Variants in TTLL5 observed in about 807,000 individuals in gnomAD.
TTLL5 encodes the protein tubulin polyglutamylase TTLL5.
A neutral mutation model predicts 168.4 loss-of-function variants in TTLL5; 132 were observed. The ratio of observed to expected loss-of-function variants is 0.78; its 90% CI spans 0.68 to 0.91. TTLL5 has a LOEUF of 0.91. Among genes scored for constraint, TTLL5 ranks in the 40% least tolerant of loss-of-function variants. The pLI, the probability that TTLL5 is intolerant of heterozygous loss-of-function variation, is 0.00. For synonymous variants in TTLL5, 546 were observed against 558.6 expected, an observed-to-expected ratio of 0.98 and a Z score of 0.32; for missense variants, 1,545 against 1,581.5, an observed-to-expected ratio of 0.98 and a Z score of 0.39.
intron 31 of TTLL5, among the ~76,000 whole-genome samples, chr14:75,953,025 A>T (rs1003041352): frequency 6.6e-6 from 1 of 152,252 alleles, no homozygotes; most frequent in African/African-American, 2.4e-5. Context: ...TATGTGAATT[A>T]CATCTCAAAA....
intron 31 of TTLL5, among the ~76,000 whole-genome samples, chr14:75,928,347 A>ATATATATATATATATATG (rs2034150221): frequency 8.3e-6 from 1 of 120,088 alleles, no homozygotes; most frequent in South Asian, 2.4e-4. Flanking sequence ...AAAAACATAT[A>ATATATATATATATATATG]TATATATATA....
intron 9 of TTLL5, 22 bp downstream of exon 9, chr14:75,707,729 AAGGGGTTGGGTGG>A: frequency 6.3e-7 from 1 of 1,587,844 alleles, no homozygotes; most frequent in Non-Finnish European, 8.6e-7. Context: ...TTTGGGGGTG[AAGGGGTTGGGTGG>A]GTATATTAAG....
chr14:75,798,280 G>A (rs1224180584), intron 27 of TTLL5, among the ~76,000 whole-genome samples: 1 of 151,746 alleles, frequency 6.6e-6, no homozygotes, highest in African/African-American at 2.4e-5. Context: ...CTGTGGTGTT[G>A]GTTGTACTAT....
chr14:75,912,289 G>C (rs1209736486), intron 31 of TTLL5, among the ~76,000 whole-genome samples: 4 of 152,052 alleles, frequency 2.6e-5, no homozygotes, highest in Non-Finnish European at 5.9e-5. Context: ...GCCTTAACTG[G>C]CCTAAATAAA....
At chr14:75,793,616 G>T (rs1892840565) in intron 27 of TTLL5, among the ~76,000 whole-genome samples, 1 of 152,166 alleles carries the variant, frequency 6.6e-6, no homozygotes, top group Non-Finnish European at 1.5e-5. Flanking sequence ...GGAACCTGAG[G>T]CTGAAATAAG....
At chr14:75,933,780 A>G (rs2034349969) in intron 31 of TTLL5, among the ~76,000 whole-genome samples, 1 of 152,246 alleles carries the variant, frequency 6.6e-6, no homozygotes, top group African/African-American at 2.4e-5. Context: ...AAGAGGTGAT[A>G]AAGTTAAAAT....
At chr14:75,702,884 G>A (rs1455233111) in intron 7 of TTLL5, among the ~76,000 whole-genome samples, 2 of 152,134 alleles carry the variant, frequency 1.3e-5, no homozygotes, top group Admixed American at 6.6e-5. Context: ...GAGGCATGAG[G>A]GGAGCTGGCA....
At chr14:75,925,772 A>C (rs1036894316) in intron 31 of TTLL5, among the ~76,000 whole-genome samples, 1 of 152,034 alleles carries the variant, frequency 6.6e-6, no homozygotes, top group African/African-American at 2.4e-5. Flanking sequence ...TTGAGCACTG[A>C]GTGAACCAGA....
chr14:75,735,353 T>C (rs1888816093), intron 15 of TTLL5, 64 bp downstream of exon 15: 4 of 1,521,416 alleles, frequency 2.6e-6, no homozygotes, highest in Non-Finnish European at 1.8e-6. Flanking sequence ...CTGATGTAAC[T>C]GTGGGAGCAG....
At chr14:75,672,723 A>G (rs1012680744) in intron 3 of TTLL5, among the ~76,000 whole-genome samples, 17 of 152,076 alleles carry the variant, frequency 1.1e-4, no homozygotes, top group African/African-American at 3.9e-4. Context: ...TTCTTGAGTC[A>G]GTTTTGGTAG....
At chr14:75,830,447 A>G (rs572970929) in intron 28 of TTLL5, among the ~76,000 whole-genome samples, 1 of 152,252 alleles carries the variant, frequency 6.6e-6, no homozygotes, top group Non-Finnish European at 1.5e-5. Context: ...AACTCTTCTC[A>G]GCACACACAA....
chr14:75,820,182 C>T (rs1329631023), intron 28 of TTLL5, 21 bp downstream of exon 28: 7 of 1,555,196 alleles, frequency 4.5e-6, no homozygotes, highest in Non-Finnish European at 6.1e-6. Flanking sequence ...GGCCCTGCAA[C>T]TAGCATTTGG....
chr14:75,743,575 CTTTTTT>C (rs33959405), intron 15 of TTLL5, among the ~76,000 whole-genome samples: 8 of 63,114 alleles, frequency 1.3e-4, no homozygotes, highest in African/African-American at 2.8e-4. Context: ...TGGCATCGCT[CTTTTTT>C]TTTTTTTTTT....
intron 31 of TTLL5, among the ~76,000 whole-genome samples, chr14:75,927,840 A>G: frequency 6.6e-6 from 1 of 152,142 alleles, no homozygotes. Flanking sequence ...CACAGCCTTA[A>G]GCTTCACCTC....
intron 9 of TTLL5, chr14:75,710,408 A>ACG (rs1249104062): frequency 2.7e-5 from 4 of 148,986 alleles, no homozygotes; most frequent in Middle Eastern, 3.5e-3. Flanking sequence ...ATACACACAC[A>ACG]CACACACACA....
intron 29 of TTLL5, among the ~76,000 whole-genome samples, chr14:75,865,268 T>TG (rs1183072094): frequency 2.7e-5 from 4 of 149,168 alleles, no homozygotes; most frequent in East Asian, 1.9e-4. Context: ...TAGTTGTTGT[T>TG]TTTTTTTTTT....
intron 28 of TTLL5, among the ~76,000 whole-genome samples, chr14:75,829,919 G>C (rs1353020076): frequency 6.6e-6 from 1 of 152,120 alleles, no homozygotes; most frequent in African/African-American, 2.4e-5. Context: ...AGATTTTTTA[G>C]TTCATATAAA....
intron 17 of TTLL5, 54 bp downstream of exon 17, chr14:75,745,635 T>A: frequency 7.1e-7 from 1 of 1,413,596 alleles, no homozygotes; most frequent in South Asian, 1.2e-5. Flanking sequence ...TAGAATTAGA[T>A]TAATTGTGAT....
intron 30 of TTLL5, among the ~76,000 whole-genome samples, chr14:75,894,573 AGG>A (rs2032563170): frequency 6.6e-6 from 1 of 152,148 alleles, no homozygotes; most frequent in Non-Finnish European, 1.5e-5. Context: ...GCAAAAGAAA[AGG>A]ATGATAAATA....
Sources: gnomAD v4.1 joint callset for allele counts (sites outside exome capture counted in the v4.1 genomes callset) on GRCh38, gnomAD v4.1.1 for gene constraint, MANE v1.5 for transcripts, NCBI Gene and HGNC (gene_info 2026-07-23, HGNC 2026-07-21) for gene names.